Variants in PKHD1 observed in about 807,000 individuals in gnomAD.
PKHD1 encodes fibrocystin.
PKHD1 carries 291 observed loss-of-function variants against 412.0 expected under a neutral mutation model. That is an observed-to-expected ratio of 0.71 (90% confidence interval 0.64 to 0.78). The LOEUF (loss-of-function observed/expected upper bound fraction) is 0.78. PKHD1 is among the 30% of genes least tolerant of loss of function. The pLI is 0.00. For missense variants in PKHD1, 4,825 were observed against 4,950.7 expected (o/e 0.97, Z 0.76); for synonymous variants, 1,777 against 1,821.5 (o/e 0.98, Z 0.62).
chr6:51,906,598 C>T (rs190848169), intron 40 of PKHD1, among the ~76,000 whole-genome samples: 2 of 151,276 alleles, frequency 1.3e-5, no homozygotes, highest in Non-Finnish European at 3.0e-5. Flanking sequence ...TATGTCTAAA[C>T]AATAAAAGAA....
At chr6:51,705,173 T>G (rs1041216157) in intron 60 of PKHD1, among the ~76,000 whole-genome samples, 4 of 152,086 alleles carry the variant, frequency 2.6e-5, no homozygotes, top group Admixed American at 6.6e-5. Context: ...ACCTTTCAGT[T>G]ACTACAGTAC....
At chr6:51,691,454 A>G (rs540253403) in intron 60 of PKHD1, among the ~76,000 whole-genome samples, 1 of 152,326 alleles carries the variant, frequency 6.6e-6, no homozygotes, top group Non-Finnish European at 1.5e-5. Context: ...GTACATATAT[A>G]CCATGGAATA....
intron 60 of PKHD1, among the ~76,000 whole-genome samples, chr6:51,717,427 T>G (rs901175938): frequency 8.1e-5 from 12 of 149,016 alleles, no homozygotes; most frequent in Non-Finnish European, 1.6e-4. Flanking sequence ...AAAAAAAAAA[T>G]GGACTGCATA....
intron 29 of PKHD1, 134 bp downstream of exon 29, chr6:52,032,896 G>GA (rs1803280841): frequency 2.5e-6 from 2 of 802,950 alleles, no homozygotes; most frequent in Non-Finnish European, 4.3e-6. Flanking sequence ...TGGCTAAGAT[G>GA]AAAAAAGCAA....
intron 60 of PKHD1, among the ~76,000 whole-genome samples, chr6:51,702,695 T>C (rs1016931845): frequency 8.6e-5 from 13 of 151,924 alleles, no homozygotes; most frequent in South Asian, 4.1e-4. Flanking sequence ...AAATTTAGAA[T>C]GCAGACAGAA....
At chr6:52,002,752 G>A (rs570257521) in intron 35 of PKHD1, among the ~76,000 whole-genome samples, 2 of 152,260 alleles carry the variant, frequency 1.3e-5, no homozygotes, top group East Asian at 1.9e-4. Flanking sequence ...TTTGATTTCT[G>A]TAATAGGAGA....
At chr6:51,984,806 T>C (rs1238729237) in intron 35 of PKHD1, among the ~76,000 whole-genome samples, 2 of 152,212 alleles carry the variant, frequency 1.3e-5, no homozygotes, top group African/African-American at 4.8e-5. Flanking sequence ...AAGTTCAGAA[T>C]CTGCGAACTA....
chr6:51,997,603 G>A (rs1289999904), intron 35 of PKHD1, among the ~76,000 whole-genome samples: 1 of 152,216 alleles, frequency 6.6e-6, no homozygotes, highest in Non-Finnish European at 1.5e-5. Flanking sequence ...GAAATAAATA[G>A]AGACTTAGCA....
chr6:51,661,054 C>A (rs1044113710), intron 60 of PKHD1, among the ~76,000 whole-genome samples: 1 of 152,056 alleles, frequency 6.6e-6, no homozygotes, highest in Non-Finnish European at 1.5e-5. Context: ...AAAAGATATT[C>A]CTATCACCCA....
rs1776936201 is a variant in PKHD1, at chr6:51,683,227, C to T, written c.10157-23258G>A. Reference sequence around the variant, plus strand: ...TAAGTTCAATGACTCCTCCTGAAAACTGATGTATCATAATTCAGCAAGGTG... The same window carrying T: ...TAAGTTCAATGACTCCTCCTGAAAATTGATGTATCATAATTCAGCAAGGTG... On this transcript the variant is annotated intron_variant, in intron 60 of 66. Coordinates refer to ENST00000371117, the MANE Select transcript of PKHD1 (RefSeq NM_138694.4). Among the ~76,000 whole-genome samples, 3 of 151,980 alleles carry T rather than the reference C, an allele frequency of 2.0e-5. No homozygotes were observed. The South Asian group carries it at 6.2e-4, about 31-fold the overall frequency.
intron 60 of PKHD1, among the ~76,000 whole-genome samples, chr6:51,663,154 T>G (rs9463702): frequency 0.041 from 6,274 of 152,158 alleles, 456 homozygotes; most frequent in African/African-American, 0.14. Context: ...CCAAATAAGA[T>G]AGTTAGGTAA....
At chr6:51,981,422 T>C (rs1266603913) in intron 35 of PKHD1, among the ~76,000 whole-genome samples, 1 of 149,208 alleles carries the variant, frequency 6.7e-6, no homozygotes, top group African/African-American at 2.5e-5. Context: ...GCTGCTGCCA[T>C]CTCGGCTCAC....
intron 4 of PKHD1, among the ~76,000 whole-genome samples, chr6:52,081,386 C>A (rs941544473): frequency 6.6e-6 from 1 of 152,136 alleles, no homozygotes; most frequent in African/African-American, 2.4e-5. Context: ...TAAGATATTG[C>A]GCAATGCATC....
chr6:51,838,674 T>C (rs770375139), intron 50 of PKHD1, among the ~76,000 whole-genome samples: 35 of 152,186 alleles, frequency 2.3e-4, no homozygotes, highest in Non-Finnish European at 4.4e-4. Flanking sequence ...GACAGAGGGC[T>C]ATCTCTTCCC....
chr6:52,029,409 C>G (rs9474133), intron 29 of PKHD1, among the ~76,000 whole-genome samples: 4,353 of 152,176 alleles, frequency 0.029, 214 homozygotes, highest in African/African-American at 0.1. Flanking sequence ...ATAAGTTAAA[C>G]ACAGACTCTG....
In PKHD1 at chr6:52,056,998, A is replaced by C. The variant is rs756280113; in HGVS notation, c.1513-19T>G. On this transcript the variant is annotated intron_variant, in intron 16 of 66. Coordinates refer to ENST00000371117, the MANE Select transcript of PKHD1 (RefSeq NM_138694.4). ...TCAGCACCTAAAAAAGTCAAGACAG[A>C]CAAGACTAAATGATGGTGCTAATTA... 6.5e-7 allele frequency: 1 copy of C among 1,529,466 alleles called. No individual in the cohort carries two copies. Among genetic ancestry groups the C allele is most frequent in the Non-Finnish European group, 9.1e-7 (1 of 1,102,816 alleles). 94.7% of individuals were successfully genotyped at this position (1,529,466 alleles called of 1,614,324 possible).
chr6:51,903,577 G>T lies in PKHD1; in HGVS notation c.6996+20C>A, dbSNP rs369141271. ...ATGCCCTCTCAGTTCTGGTCTTCCTGGTAGAGCTGAACATCTTACCTCTAT... is the reference window on the plus strand; with the variant it reads ...ATGCCCTCTCAGTTCTGGTCTTCCTTGTAGAGCTGAACATCTTACCTCTAT... On this transcript the variant is annotated intron_variant, in intron 43 of 66. Transcript: ENST00000371117. 11 of 1,604,658 alleles carry T rather than the reference G, an allele frequency of 6.9e-6. No individual in the cohort carries two copies. The highest frequency in any genetic ancestry group is 9.4e-6 in the Non-Finnish European group (11 of 1,172,936).
At chr6:52,086,801 C>G (rs1049416925) in intron 1 of PKHD1, among the ~76,000 whole-genome samples, 1 of 152,152 alleles carries the variant, frequency 6.6e-6, no homozygotes, top group Non-Finnish European at 1.5e-5. Context: ...CAAACTTTTA[C>G]GTCTATTTGA....
intron 55 of PKHD1, among the ~76,000 whole-genome samples, chr6:51,766,312 C>G (rs376349385): frequency 6.6e-6 from 1 of 152,116 alleles, no homozygotes; most frequent in Non-Finnish European, 1.5e-5. Context: ...GCTGTATGTC[C>G]TTCCAGGGAT....
Sources: gnomAD v4.1 joint callset for allele counts (sites outside exome capture counted in the v4.1 genomes callset) on GRCh38, gnomAD v4.1.1 for gene constraint, MANE v1.5 for transcripts, NCBI Gene and HGNC (gene_info 2026-07-23, HGNC 2026-07-21) for gene names.